DPYD: variants seen among roughly 807,000 people sequenced by gnomAD.
DPYD encodes dihydropyrimidine dehydrogenase [NADP(+)].
A neutral mutation model predicts 116.2 loss-of-function variants in DPYD; 109 were observed. The observed-to-expected ratio is 0.94, with a 90% CI of 0.80 to 1.10. DPYD has a LOEUF of 1.10. DPYD is among the 50% of genes least tolerant of loss of function. The pLI, the probability that DPYD is intolerant of heterozygous loss-of-function variation, is 0.00. For synonymous variants in DPYD, 440 were observed against 432.0 expected, an observed-to-expected ratio of 1.02 and a Z score of -0.23; for missense variants, 1,302 against 1,254.5, an observed-to-expected ratio of 1.04 and a Z score of -0.57.
chr1:97,551,516 C>A (rs1034950722), intron 11 of DPYD, among the ~76,000 whole-genome samples: 13 of 151,880 alleles, frequency 8.6e-5, no homozygotes, highest in African/African-American at 3.1e-4. Flanking sequence ...CTTATGTTTC[C>A]AAAACTTTGG....
At chr1:97,705,922 T>C (rs1310233393) in intron 5 of DPYD, among the ~76,000 whole-genome samples, 2 of 152,118 alleles carry the variant, frequency 1.3e-5, no homozygotes, top group East Asian at 3.9e-4. Context: ...TTTGGCCGCA[T>C]AAATGTCTTC....
At chr1:97,830,078 T>A (rs1669457065) in intron 2 of DPYD, among the ~76,000 whole-genome samples, 1 of 152,188 alleles carries the variant, frequency 6.6e-6, no homozygotes, top group African/African-American at 2.4e-5. Flanking sequence ...GGACATGAAT[T>A]CATCCTTTTT....
At chr1:97,334,195 A>T (rs181630048) in intron 16 of DPYD, among the ~76,000 whole-genome samples, 1 of 152,318 alleles carries the variant, frequency 6.6e-6, no homozygotes, top group East Asian at 1.9e-4. Context: ...CTTTTCCCCA[A>T]TAATTTCTTG....
intron 13 of DPYD, among the ~76,000 whole-genome samples, chr1:97,461,004 T>C (rs1168617674): frequency 1.3e-5 from 2 of 148,602 alleles, no homozygotes; most frequent in Non-Finnish European, 3.0e-5. Flanking sequence ...GCCATTGCAC[T>C]CTAGCCTGGG....
chr1:97,204,636 C>T lies in DPYD; in HGVS notation c.2443-11388G>A, dbSNP rs368531828. Among the ~76,000 whole-genome samples the T allele has an allele frequency of 7.9e-5, 12 of 152,184 alleles. 1 individual carries two copies. The East Asian group carries it at 1.7e-3, about 22-fold the overall frequency. ...CTATTAGTGAAAATACCAGGACCAG[C>T]AGTATAAACTGGGATTGTCCTGTAC... On this transcript the variant is annotated intron_variant, in intron 19 of 22. Coordinates refer to ENST00000370192, the MANE Select transcript of DPYD (RefSeq NM_000110.4).
chr1:97,637,839 G>A (rs1015431565), intron 8 of DPYD, among the ~76,000 whole-genome samples: 3 of 151,818 alleles, frequency 2.0e-5, no homozygotes, highest in Non-Finnish European at 4.4e-5. Flanking sequence ...GATGGATTTT[G>A]TGCAAATCTA....
intron 3 of DPYD, among the ~76,000 whole-genome samples, chr1:97,786,029 A>G (rs1354906674): frequency 1.3e-5 from 2 of 151,188 alleles, no homozygotes; most frequent in South Asian, 2.1e-4. Flanking sequence ...TATCTTCCCA[A>G]TTTGGCCTTT....
At chr1:97,771,889 A>G (rs1005627787) in intron 3 of DPYD, among the ~76,000 whole-genome samples, 1 of 152,180 alleles carries the variant, frequency 6.6e-6, no homozygotes, top group Admixed American at 6.5e-5. Flanking sequence ...CTTACAAAAT[A>G]TATTATAAAA....
At chr1:97,153,223 T>C (rs1452013554) in intron 20 of DPYD, among the ~76,000 whole-genome samples, 4 of 152,090 alleles carry the variant, frequency 2.6e-5, no homozygotes, top group South Asian at 2.1e-4. Context: ...ATGAGCTGAA[T>C]TGCTATCCAA....
intron 18 of DPYD, among the ~76,000 whole-genome samples, chr1:97,248,723 A>T (rs1325583635): frequency 1.3e-5 from 2 of 152,148 alleles, no homozygotes; most frequent in Non-Finnish European, 2.9e-5. Flanking sequence ...GAACATCTAT[A>T]AAAAAACCTA....
At position 97,453,602 on chromosome 1, in the gene DPYD, A is replaced by G. The variant is rs540102717; in HGVS notation, c.1741-3379T>C. 3.9e-5 allele frequency among the ~76,000 whole-genome samples: 6 copies of G among 152,234 alleles called. No homozygotes were observed. In the East Asian group the frequency reaches 7.7e-4, roughly 20 times the overall value. On this transcript the variant is annotated intron_variant, in intron 13 of 22. Transcript: ENST00000370192. ...ACATCTCACATTAGCCAAAAGGATC[A>G]ATAAGCTGACAATATTTAATTGGAA...
chr1:97,224,572 A>G (rs1340110890), intron 19 of DPYD, among the ~76,000 whole-genome samples: 1 of 151,936 alleles, frequency 6.6e-6, no homozygotes, highest in Non-Finnish European at 1.5e-5. Flanking sequence ...AATATTATTA[A>G]CTAGATTACT....
At chr1:97,166,745 T>C (rs1408648912) in intron 20 of DPYD, among the ~76,000 whole-genome samples, 1 of 152,208 alleles carries the variant, frequency 6.6e-6, no homozygotes, top group East Asian at 1.9e-4. Flanking sequence ...CTTCCCCTTC[T>C]CTTAATTCAG....
At chr1:97,533,052 A>C (rs1292628519) in intron 12 of DPYD, among the ~76,000 whole-genome samples, 1 of 151,810 alleles carries the variant, frequency 6.6e-6, no homozygotes, top group East Asian at 1.9e-4. Context: ...TTCTTGCATT[A>C]AGTTTTTTTT....
At chr1:97,680,821 G>A in intron 7 of DPYD, among the ~76,000 whole-genome samples, 1 of 152,148 alleles carries the variant, frequency 6.6e-6, no homozygotes, top group East Asian at 1.9e-4. Flanking sequence ...GGCCTCTTGA[G>A]TGAAGTTTAG....
chr1:97,540,072 T>G lies in DPYD; in HGVS notation c.1524+9488A>C, dbSNP rs528096503. On this transcript the variant is annotated intron_variant, in intron 12 of 22. Transcript: ENST00000370192. ...TCCCCACCAGCAAGCAAGCAAGCAA[T>G]CAATTCTGTAGTGGACACAAGCTGA... Among the ~76,000 whole-genome samples the G allele has an allele frequency of 1.1e-4, 16 of 152,176 alleles. No individual in the cohort carries two copies. In the South Asian group the frequency reaches 1.9e-3, roughly 18 times the overall value.
intron 22 of DPYD, among the ~76,000 whole-genome samples, chr1:97,080,050 C>T (rs752599630): frequency 1.1e-4 from 16 of 151,812 alleles, no homozygotes; most frequent in East Asian, 1.9e-4. Context: ...AAGACCTCAG[C>T]GGAAGTTACA....
At chr1:97,530,867 C>T (rs150652692) in intron 12 of DPYD, among the ~76,000 whole-genome samples, 1,525 of 152,216 alleles carry the variant, frequency 0.01, 13 homozygotes, top group Non-Finnish European at 0.015. Flanking sequence ...TCCTGATGAT[C>T]AGTGATAAGC....
At chr1:97,835,189 T>A (rs542818261) in intron 2 of DPYD, among the ~76,000 whole-genome samples, 19 of 152,026 alleles carry the variant, frequency 1.2e-4, no homozygotes, top group African/African-American at 1.9e-4. Context: ...AAAATTTGTT[T>A]TTGAGTTTCA....
Sources: allele counts gnomAD v4.1 joint callset (sites outside exome capture counted in the v4.1 genomes callset), GRCh38; gene constraint gnomAD v4.1.1; transcripts MANE v1.5; gene names NCBI Gene and HGNC (gene_info 2026-07-23, HGNC 2026-07-21).